Variants in SLF2 observed in about 807,000 individuals in gnomAD.
The protein encoded by SLF2 is SMC5/6 complex localization factor 2.
Under a neutral mutation model 124.3 loss-of-function variants are expected in SLF2, and 68 were observed. The ratio of observed to expected loss-of-function variants is 0.55; its 90% CI spans 0.45 to 0.67. The LOEUF (loss-of-function observed/expected upper bound fraction) is 0.67. Among genes scored for constraint, SLF2 ranks in the 30% least tolerant of loss-of-function variants. The pLI is 0.00. For missense variants in SLF2, 1,246 were observed against 1,373.7 expected (o/e 0.91, Z 1.47); for synonymous variants, 480 against 478.8 (o/e 1.00, Z -0.03).
At chr10:100,928,079 C>CACACACACACACACACA (rs1564774100) in intron 6 of SLF2, among the ~76,000 whole-genome samples, 1 of 113,026 alleles carries the variant, frequency 8.8e-6, no homozygotes, top group Non-Finnish European at 1.7e-5. Context: ...GAGAGAGAGA[C>CACACACACACACACACA]AGAGAGAGAG....
chr10:100,941,940 G>T (rs746223006), intron 11 of SLF2, among the ~76,000 whole-genome samples: 2 of 152,164 alleles, frequency 1.3e-5, no homozygotes, highest in African/African-American at 2.4e-5. Flanking sequence ...AGCTGTGGAA[G>T]TATCTCCAAG....
intron 1 of SLF2, 56 bp from the exon 2 acceptor site, chr10:100,915,943 G>A: frequency 7.6e-7 from 1 of 1,309,984 alleles, no homozygotes; most frequent in Non-Finnish European, 1.1e-6. Flanking sequence ...TTTAATCTGA[G>A]TTATGAAGGT....
At position 100,963,891 on chromosome 10, in the gene SLF2, A is replaced by G. The variant is rs1047389203; in HGVS notation, c.*1979A>G. On this transcript the variant is annotated 3_prime_UTR_variant, in exon 20 of 20. Coordinates refer to ENST00000238961, the MANE Select transcript of SLF2 (RefSeq NM_018121.4). ...ATTTAACAGTTCCAATAAGAAAAAA[A>G]TCTCTATTTTTAATTATATTTCTCC... is the stretch of plus-strand genomic sequence containing the variant. 4 of 152,518 alleles carry G rather than the reference A, an allele frequency of 2.6e-5. No homozygotes were observed. The highest frequency in any genetic ancestry group is 9.7e-5 in the African/African-American group (4 of 41,412). 9.4% of individuals were successfully genotyped at this position (152,518 alleles called of 1,614,324 possible).
intron 4 of SLF2, among the ~76,000 whole-genome samples, chr10:100,922,535 A>G (rs1302987947): frequency 1.3e-5 from 2 of 152,158 alleles, no homozygotes; most frequent in Admixed American, 1.3e-4. Context: ...CTCTTGGGGA[A>G]TGGAGACATC....
In SLF2 at chr10:100,947,027, C is replaced by A; in HGVS notation, c.2935-12C>A. On this transcript the variant is annotated splice_polypyrimidine_tract_variant and intron_variant, in intron 13 of 19. Coordinates refer to ENST00000238961, the MANE Select transcript of SLF2 (RefSeq NM_018121.4). ...TGTTTGAAAAGAAATCTTACATGTTCTTTTTTTTCAGGTGCCTGAACTCTG... is the reference window on the plus strand; with the variant it reads ...TGTTTGAAAAGAAATCTTACATGTTATTTTTTTTCAGGTGCCTGAACTCTG... 1 of 1,601,202 alleles carries A rather than the reference C, an allele frequency of 6.2e-7. No homozygotes were observed. Among genetic ancestry groups the A allele is most frequent in the Non-Finnish European group, 8.6e-7 (1 of 1,168,952 alleles).
chr10:100,932,732 C>T (rs866511250), intron 9 of SLF2, among the ~76,000 whole-genome samples: 88 of 151,126 alleles, frequency 5.8e-4, no homozygotes, highest in Middle Eastern at 3.4e-3. Flanking sequence ...CGCGCGCGCG[C>T]GCGCGCACAT....
rs59983480 is a variant in SLF2 at position 100,960,998 on chromosome 10, CTTTTTTTTTTTTTTTTTT to C, written c.3487-867_3487-850del. The stretch of plus-strand genomic sequence containing the variant: ...GTGAGAACTGAGATATTCTGTACTT[CTTTTTTTTTTTTTTTTTT>C]TTTTTTTTTTTGAGACGGAGTCTTG... On this transcript the variant is annotated intron_variant, in intron 19 of 19. Coordinates refer to ENST00000238961, the MANE Select transcript of SLF2 (RefSeq NM_018121.4). Among the ~76,000 whole-genome samples the C allele has an allele frequency of 6.7e-3, 409 of 61,420 alleles. 8 individuals carry two copies. Among genetic ancestry groups the C allele is most frequent in the South Asian group, 0.056 (74 of 1,326 alleles). The allele number at this position is 61,420 out of a possible 152,430, so 40.3% of individuals were successfully genotyped here. A position where few individuals can be genotyped will look rare whatever the true frequency, so the allele number is the denominator to read the frequency against.
chr10:100,913,916 T>G (rs1335190850), intron 1 of SLF2: 1 of 961,970 alleles, frequency 1.0e-6, no homozygotes, highest in Non-Finnish European at 1.2e-6. Context: ...TATTTTAAGT[T>G]AAATTGTATT....
Position 100,924,661 on chromosome 10 carries a change from A to G in SLF2, c.1660A>G (p.Lys554Glu), listed in dbSNP as rs1260282049. 13 of 1,614,104 alleles carry G rather than the reference A, an allele frequency of 8.1e-6. No homozygotes were observed. Among genetic ancestry groups the G allele is most frequent in the African/African-American group, 1.3e-5 (1 of 75,048 alleles). ...PLRSEYGTPT[K>E]SPPAALEVVP... ...GCGCTCAGAATATGGCACTCCTACA[A>G]AGTCTCCCCCTGCTGCTTTGGAAGT... The change falls in exon 5 of 20, where the codon AAG becomes GAG. Residue 554 changes from lysine to glutamate, a missense_variant. Transcript: ENST00000238961.
chr10:100,914,118 A>G (rs1452076150), intron 1 of SLF2, among the ~76,000 whole-genome samples: 1 of 152,212 alleles, frequency 6.6e-6, no homozygotes, highest in African/African-American at 2.4e-5. Context: ...AAGTGTGAAT[A>G]TTCATGTTTT....
In SLF2 at chr10:100,947,047, A is replaced by G; in HGVS notation, c.2943A>G (p.Glu981=). ...ATGTTCTTTTTTTTCAGGTGCCTGA[A>G]CTCTGTCTGGGCATAAATGAACTCT... ...NIRDWNTKVP[E]LCLGINELSS... is the part of the protein sequence containing the mutation. The change falls in exon 14 of 20, where the codon GAA becomes GAG. Residue 981 remains glutamate, a synonymous_variant. Transcript: ENST00000238961. 1 of 1,612,454 alleles carries G rather than the reference A, an allele frequency of 6.2e-7. No homozygotes were observed.
At position 100,926,019 on chromosome 10, in the gene SLF2, G is replaced by C; in HGVS notation, c.2042G>C (p.Arg681Thr). 1.2e-6 allele frequency: 2 copies of C among 1,614,064 alleles called. No homozygotes were observed. The highest frequency in any genetic ancestry group is 1.7e-6 in the Non-Finnish European group (2 of 1,179,988). ...RLVKEMEDTQ[R>T]LDELQKQLQE... ...GTGAAGGAAATGGAAGACACACAAA[G>C]GTTTGTTAGCATAAAGATTAATTTG... Residue 681 changes from arginine (R) to threonine (T), a missense_variant and splice_region_variant, in exon 6 of 20, where the codon AGG becomes ACG. By Grantham distance (71) the Arg-to-Thr change is moderately conservative (BLOSUM62 -1). Around this residue, in one of 3 missense-constraint regions of SLF2, gnomAD observed 535 missense variants for 632.8 expected, o/e 0.85. Coordinates refer to ENST00000238961, the MANE Select transcript of SLF2 (RefSeq NM_018121.4).
At chr10:100,918,738 C>T (rs1262976805) in intron 4 of SLF2, among the ~76,000 whole-genome samples, 9 of 152,068 alleles carry the variant, frequency 5.9e-5, no homozygotes, top group Non-Finnish European at 2.9e-5. Context: ...ATTCTCCCAC[C>T]TCAGCTTCCT....
chr10:100,953,871 C>T (rs774717262), intron 17 of SLF2, among the ~76,000 whole-genome samples: 1 of 151,902 alleles, frequency 6.6e-6, no homozygotes, highest in African/African-American at 2.4e-5. Flanking sequence ...AGGCTGGTCT[C>T]GAACTCCTGA....
At position 100,938,620 on chromosome 10, in the gene SLF2, G is replaced by C. The variant is rs1441245398; in HGVS notation, c.2538G>C (p.Trp846Cys). ...RNDTFSDSPV[W>C]PWIPSLSDVA... ...ATACCTTCAGTGACTCACCAGTTTG[G>C]CCATGGATCCCATCATTGTCTGATG... Residue 846 changes from tryptophan (W) to cysteine (C), a missense_variant, in exon 11 of 20, where the codon TGG (tryptophan) becomes TGC (cysteine). By Grantham distance (215) the Trp-to-Cys change is radical. Coordinates refer to ENST00000238961, the MANE Select transcript of SLF2 (RefSeq NM_018121.4). 1 of 1,611,158 alleles carries C rather than the reference G, an allele frequency of 6.2e-7. No homozygotes were observed. The highest frequency in any genetic ancestry group is 2.2e-5 in the East Asian group (1 of 44,578).
rs1564774078 is a variant in SLF2 at position 100,928,068 on chromosome 10, CGAGAG to C, written c.2043-1248_2043-1244del. 2.4e-3 allele frequency among the ~76,000 whole-genome samples: 145 copies of C among 59,568 alleles called. 23 individuals carry two copies. The highest frequency in any genetic ancestry group is 4.3e-3 in the Non-Finnish European group (114 of 26,268). 39.1% of individuals were successfully genotyped at this position (59,568 alleles called of 152,430 possible). On this transcript the variant is annotated intron_variant, in intron 6 of 19. Coordinates refer to ENST00000238961, the MANE Select transcript of SLF2 (RefSeq NM_018121.4). The stretch of plus-strand genomic sequence containing the variant: ...CCCCACACACACACACACACACACA[CGAGAG>C]AGAGACAGAGAGAGAGAGAGAGAGA...
chr10:100,931,197 T>C (rs1849728470), intron 9 of SLF2, 119 bp downstream of exon 9: 2 of 731,462 alleles, frequency 2.7e-6, no homozygotes, highest in East Asian at 5.2e-5. Context: ...ACATCCATGA[T>C]GTCAGTGGCT....
At chr10:100,947,241 GAT>G (rs1850121952) in intron 14 of SLF2, 105 bp downstream of exon 14, 1 of 628,302 alleles carries the variant, frequency 1.6e-6, no homozygotes, top group African/African-American at 1.9e-5. Flanking sequence ...TGTTAGATCA[GAT>G]ATGTTTATTT....
intron 17 of SLF2, among the ~76,000 whole-genome samples, chr10:100,951,102 G>T (rs1850204434): frequency 6.6e-6 from 1 of 152,150 alleles, no homozygotes; most frequent in African/African-American, 2.4e-5. Flanking sequence ...AATTAGCCAG[G>T]CGTTGTGGCA....
Sources: gnomAD v4.1 joint callset for allele counts (sites outside exome capture counted in the v4.1 genomes callset) on GRCh38, gnomAD v4.1.1 for gene constraint, gnomAD v4.1.1 regional missense constraint, MANE v1.5 for transcripts, NCBI Gene and HGNC (gene_info 2026-07-23, HGNC 2026-07-21) for gene names.